MGRN1: variants seen among roughly 807,000 people sequenced by gnomAD.
The protein encoded by MGRN1 is mahogunin ring finger 1.
In MGRN1, 29 loss-of-function variants were observed where a neutral mutation model predicts 69.2. The observed-to-expected ratio is 0.42, with a 90% CI of 0.31 to 0.57. MGRN1 has a LOEUF of 0.57. MGRN1 is among the 20% of genes least tolerant of loss of function. MGRN1 has a pLI of 0.15. For synonymous variants in MGRN1, 470 were observed against 344.2 expected, an observed-to-expected ratio of 1.37 and a Z score of -4.04; for missense variants, 998 against 796.2, an observed-to-expected ratio of 1.25 and a Z score of -3.05.
rs78585917 is a variant in MGRN1, at chr16:4,654,701, G to A, written c.443+1877G>A. ...AGTTCGGGTGGGTGGTGTGAGGAGG[G>A]GACCATGTGTCCTGTGCACAGCCCC... On this transcript the variant is annotated intron_variant, in intron 4 of 16. Transcript: ENST00000262370. Among the ~76,000 whole-genome samples the A allele has an allele frequency of 3.7e-4, 56 of 152,356 alleles. 1 individual carries two copies. The highest frequency in any genetic ancestry group is 1.1e-3 in the African/African-American group (45 of 41,580).
intron 1 of MGRN1, among the ~76,000 whole-genome samples, chr16:4,628,549 T>G (rs947101037): frequency 3.3e-5 from 5 of 152,084 alleles, no homozygotes; most frequent in African/African-American, 1.2e-4. Context: ...AGCGATCTGC[T>G]TTCTTTTTTC....
intron 16 of MGRN1, chr16:4,688,550 G>T: frequency 7.9e-7 from 1 of 1,271,492 alleles, no homozygotes; most frequent in Non-Finnish European, 9.9e-7. Context: ...CGGGGCTGCA[G>T]ATCTGCTGTG....
intron 1 of MGRN1, among the ~76,000 whole-genome samples, chr16:4,644,436 A>G (rs1298237525): frequency 6.7e-6 from 1 of 149,308 alleles, no homozygotes; most frequent in Non-Finnish European, 1.5e-5. Flanking sequence ...TCAGCCTCCC[A>G]AGTAGCTGGG....
chr16:4,666,196 C>G (rs1298398035), intron 7 of MGRN1, among the ~76,000 whole-genome samples: 3 of 151,946 alleles, frequency 2.0e-5, no homozygotes. Context: ...GGTGTGATCT[C>G]AGCTCGCTGC....
chr16:4,666,017 A>G (rs1306512763), intron 7 of MGRN1, among the ~76,000 whole-genome samples: 2 of 151,818 alleles, frequency 1.3e-5, no homozygotes, highest in African/African-American at 4.8e-5. Flanking sequence ...TTTTCAGTAG[A>G]GACAGGGTTT....
At position 4,668,439 on chromosome 16, in the gene MGRN1, ACT is replaced by A. The variant is rs534125441; in HGVS notation, c.726+129_726+130del. On this transcript the variant is annotated intron_variant, in intron 8 of 16. Coordinates refer to ENST00000262370, the MANE Select transcript of MGRN1 (RefSeq NM_015246.4). ...CATATACTCATACACGCTCATACAC[ACT>A]CATACACATTCACTTGCACATATAT... The A allele has an allele frequency of 4.8e-4, 439 of 918,294 alleles. 2 individuals are homozygous for A. In the African/African-American group the frequency reaches 4.8e-3, roughly 10 times the overall value. 56.9% of individuals were successfully genotyped at this position (918,294 alleles called of 1,614,324 possible).
chr16:4,674,462 T>C (rs1051036709), intron 10 of MGRN1, among the ~76,000 whole-genome samples: 6 of 150,670 alleles, frequency 4.0e-5, no homozygotes, highest in Non-Finnish European at 7.4e-5. Flanking sequence ...CTAATTTTTG[T>C]GTTTTAAGTG....
At chr16:4,633,695 A>T (rs1720676322) in intron 1 of MGRN1, 1 of 151,154 alleles carries the variant, frequency 6.6e-6, no homozygotes, top group Admixed American at 6.6e-5. Flanking sequence ...CTGTCTCAAA[A>T]AATATATCTA....
In MGRN1 at chr16:4,689,064, G is replaced by GAA; in HGVS notation, c.*157_*158dup. On this transcript the variant is annotated 3_prime_UTR_variant, in exon 17 of 17. Coordinates refer to ENST00000262370, the MANE Select transcript of MGRN1 (RefSeq NM_015246.4). ...GTGACTCTTGATCAAAGAGCACAGT[G>GAA]AACTGTCCCTTCTGAGTCTCCCTTT... 6 of 996,388 alleles carry GAA rather than the reference G, an allele frequency of 6.0e-6. No homozygotes were observed. The highest frequency in any genetic ancestry group is 8.5e-6 in the Non-Finnish European group (6 of 708,128). The allele number at this position is 996,388 out of a possible 1,614,324, so 61.7% of individuals were successfully genotyped here.
At chr16:4,682,435 C>T (rs1286255136) in intron 13 of MGRN1, among the ~76,000 whole-genome samples, 1 of 152,178 alleles carries the variant, frequency 6.6e-6, no homozygotes, top group Non-Finnish European at 1.5e-5. Context: ...CAGGAAGGCG[C>T]GGGTTCTGCA....
chr16:4,648,444 CTCT>C (rs2078323989), intron 1 of MGRN1, among the ~76,000 whole-genome samples: 1 of 118,796 alleles, frequency 8.4e-6, no homozygotes, highest in African/African-American at 4.1e-5. Context: ...CCGGCTCCTC[CTCT>C]CGGGGACTCT....
chr16:4,660,913 G>T (rs1261439479), intron 5 of MGRN1, among the ~76,000 whole-genome samples: 1 of 152,216 alleles, frequency 6.6e-6, no homozygotes, highest in African/African-American at 2.4e-5. Context: ...CCCTCAGACG[G>T]CTGGGAGCTG....
At chr16:4,684,973 G>C (rs1273092365) in intron 16 of MGRN1, among the ~76,000 whole-genome samples, 1 of 152,234 alleles carries the variant, frequency 6.6e-6, no homozygotes, top group Non-Finnish European at 1.5e-5. Flanking sequence ...AGTTGGAAAG[G>C]GGCTCTTGTG....
intron 10 of MGRN1, 100 bp from the exon 11 acceptor site, chr16:4,677,363 C>T: frequency 1.2e-6 from 1 of 866,302 alleles, no homozygotes; most frequent in Non-Finnish European, 1.7e-6. Context: ...ACCCCAGGAC[C>T]CCTATGGTGT....
chr16:4,646,586 C>T (rs1481519630), intron 1 of MGRN1, among the ~76,000 whole-genome samples: 1 of 152,128 alleles, frequency 6.6e-6, no homozygotes, highest in African/African-American at 2.4e-5. Context: ...TGGGTGTCCT[C>T]ACAGCATGGT....
intron 10 of MGRN1, chr16:4,677,173 C>A (rs1043160468): frequency 3.4e-6 from 1 of 297,058 alleles, no homozygotes; most frequent in African/African-American, 2.2e-5. Flanking sequence ...TGCCCGGGGC[C>A]ATTTCATTAA....
chr16:4,681,582 C>T lies in MGRN1; in HGVS notation c.1164C>T (p.Pro388=), dbSNP rs757183952. Residue 388 remains proline, a synonymous_variant, in exon 13 of 17, where the codon CCC becomes CCT. Coordinates refer to ENST00000262370, the MANE Select transcript of MGRN1 (RefSeq NM_015246.4). ...ACAGCGTCCCACCTGGCTACGAGCC[C>T]ATCTCGCTGCTCGAGGCGCTCAACG... ...NSDSVPPGYE[P]ISLLEALNGL... is the part of the protein sequence containing the mutation. 3 of 1,613,462 alleles carry T rather than the reference C, an allele frequency of 1.9e-6. No homozygotes were observed. The highest frequency in any genetic ancestry group is 2.7e-5 in the African/African-American group (2 of 75,078).
rs1375535188 is a variant in MGRN1 at position 4,680,894 on chromosome 16, C to T, written c.1132-656C>T. 2.0e-5 allele frequency among the ~76,000 whole-genome samples: 3 copies of T among 152,200 alleles called. No homozygotes were observed. In the South Asian group the frequency reaches 6.2e-4, roughly 32 times the overall value. On this transcript the variant is annotated intron_variant, in intron 12 of 16. Transcript: ENST00000262370. ...CTCGGTCAGGCAGGCCGGGGTCTCCCGAAAGGAGCACTGACGAGCGTTGTG... is the reference window on the plus strand; with the variant it reads ...CTCGGTCAGGCAGGCCGGGGTCTCCTGAAAGGAGCACTGACGAGCGTTGTG...
intron 7 of MGRN1, among the ~76,000 whole-genome samples, chr16:4,667,157 G>T (rs1476803513): frequency 6.6e-6 from 1 of 152,218 alleles, no homozygotes; most frequent in African/African-American, 2.4e-5. Context: ...TCTGGGTCCT[G>T]CCTAGCCCAG....
Sources: gnomAD v4.1 joint callset for allele counts (sites outside exome capture counted in the v4.1 genomes callset) on GRCh38, gnomAD v4.1.1 for gene constraint, MANE v1.5 for transcripts, NCBI Gene and HGNC (gene_info 2026-07-23, HGNC 2026-07-21) for gene names.